FOCAD: variants seen among roughly 807,000 people sequenced by gnomAD.
FOCAD encodes focadhesin, also known as KIAA1797.
FOCAD carries 198 observed loss-of-function variants against 225.6 expected under a neutral mutation model. The ratio of observed to expected loss-of-function variants is 0.88; its 90% confidence interval spans 0.78 to 0.99. The LOEUF (loss-of-function observed/expected upper bound fraction) is 0.99, where lower values mean the gene tolerates loss of function less well. FOCAD is among the 50% of genes least tolerant of loss of function. The pLI is 0.00. For missense variants in FOCAD, 2,713 were observed against 2,123.6 expected, an observed-to-expected ratio of 1.28 and a Z score of -5.46; for synonymous variants, 897 against 755.0, an observed-to-expected ratio of 1.19 and a Z score of -3.08.
At chr9:20,981,260 G>A (rs1040490652) in intron 37 of FOCAD, among the ~76,000 whole-genome samples, 166 bp from the exon 38 acceptor site, 2 of 152,090 alleles carry the variant, frequency 1.3e-5, no homozygotes, top group African/African-American at 4.8e-5. Context: ...TACATGCATT[G>A]GTGGCCCATT....
intron 4 of FOCAD, among the ~76,000 whole-genome samples, chr9:20,728,666 T>C (rs1414597866): frequency 2.0e-5 from 3 of 152,190 alleles, no homozygotes; most frequent in African/African-American, 7.2e-5. Context: ...TTGCTCTCTT[T>C]AAGGGTTCTT....
chr9:20,926,088 A>G (rs554628631), intron 25 of FOCAD, among the ~76,000 whole-genome samples: 1 of 152,248 alleles, frequency 6.6e-6, no homozygotes, highest in East Asian at 1.9e-4. Context: ...CATAAAAGAT[A>G]CATCTTATTT....
chr9:20,714,551 T>C (rs1274137047), intron 1 of FOCAD, among the ~76,000 whole-genome samples: 4 of 151,932 alleles, frequency 2.6e-5, no homozygotes, highest in Admixed American at 2.6e-4. Flanking sequence ...GAAATCCTCT[T>C]ATTAGTTCCA....
chr9:20,980,653 T>G (rs1297118053), intron 37 of FOCAD, among the ~76,000 whole-genome samples: 1 of 152,218 alleles, frequency 6.6e-6, no homozygotes, highest in Non-Finnish European at 1.5e-5. Context: ...CCCCTATTTT[T>G]GTGTGCTATC....
intron 40 of FOCAD, 80 bp downstream of exon 40, chr9:20,986,545 A>T (rs1446861774): frequency 7.6e-7 from 1 of 1,314,422 alleles, no homozygotes; most frequent in Non-Finnish European, 1.0e-6. Flanking sequence ...TGAGTTCTCA[A>T]CTTAAAAATT....
chr9:20,782,934 G>A (rs747437631), intron 10 of FOCAD, among the ~76,000 whole-genome samples: 51 of 152,190 alleles, frequency 3.4e-4, no homozygotes, highest in Non-Finnish European at 6.0e-4. Context: ...TTTAAAACTT[G>A]AAACAGGTAA....
At chr9:20,969,034 C>T (rs199588236) in intron 35 of FOCAD, among the ~76,000 whole-genome samples, 1 of 152,032 alleles carries the variant, frequency 6.6e-6, no homozygotes, top group Non-Finnish European at 1.5e-5. Flanking sequence ...ATCCATTGGT[C>T]ATTTAAGAAT....
At chr9:20,948,222 T>A (rs760491905) in intron 30 of FOCAD, 49 bp from the exon 31 acceptor site, 1 of 1,529,682 alleles carries the variant, frequency 6.5e-7, no homozygotes, top group Non-Finnish European at 8.8e-7. Flanking sequence ...TCTAAATCTG[T>A]GTCTTTTTTT....
chr9:20,794,295 AAAG>A (rs1270145572), intron 11 of FOCAD, among the ~76,000 whole-genome samples: 1 of 152,192 alleles, frequency 6.6e-6, no homozygotes, highest in Non-Finnish European at 1.5e-5. Flanking sequence ...CTACCAAGAG[AAAG>A]AAGAAATTTG....
intron 5 of FOCAD, among the ~76,000 whole-genome samples, chr9:20,750,197 A>C (rs1828421055): frequency 6.6e-6 from 1 of 152,184 alleles, no homozygotes; most frequent in Non-Finnish European, 1.5e-5. Flanking sequence ...AACATGAATC[A>C]ACCAGTTTAA....
intron 2 of FOCAD, among the ~76,000 whole-genome samples, chr9:20,659,203 G>A (rs1458691127): frequency 1.3e-5 from 2 of 151,976 alleles, no homozygotes; most frequent in Non-Finnish European, 2.9e-5. Flanking sequence ...CTAGGGAACA[G>A]AGTGAGACTC....
At position 20,977,321 on chromosome 9, in the gene FOCAD, G is replaced by A. The variant is rs546538150; in HGVS notation, c.4261+773G>A. On this transcript the variant is annotated intron_variant, in intron 36 of 43. Coordinates refer to ENST00000338382, the MANE Select transcript of FOCAD (RefSeq NM_001375567.1). ...CTGCAAAGCTTCTTTGTCATATAAG[G>A]TAGTGTATTCACAGGTTGCAGGGAT... 7.9e-5 allele frequency among the ~76,000 whole-genome samples: 12 copies of A among 152,310 alleles called. No homozygotes were observed. In the South Asian group the frequency reaches 2.5e-3, roughly 32 times the overall value.
chr9:20,749,838 A>T (rs1335922901), intron 5 of FOCAD, among the ~76,000 whole-genome samples: 1 of 152,120 alleles, frequency 6.6e-6, no homozygotes, highest in Non-Finnish European at 1.5e-5. Flanking sequence ...TGATTTGCCT[A>T]TCACAGACTA....
At chr9:20,923,831 G>T in intron 25 of FOCAD, 63 bp downstream of exon 25, 5 of 1,269,396 alleles carry the variant, frequency 3.9e-6, no homozygotes, top group Non-Finnish European at 5.7e-6. Context: ...GCTTTAGGTA[G>T]CCTGGCCCTG....
intron 24 of FOCAD, among the ~76,000 whole-genome samples, chr9:20,922,791 G>A (rs1834569915): frequency 6.6e-6 from 1 of 152,222 alleles, no homozygotes; most frequent in South Asian, 2.1e-4. Context: ...GGGTGCTCTT[G>A]TTGCTGGAGT....
At chr9:20,709,166 T>G (rs1412662281) in intron 1 of FOCAD, among the ~76,000 whole-genome samples, 1 of 152,204 alleles carries the variant, frequency 6.6e-6, no homozygotes, top group Admixed American at 6.5e-5. Context: ...CTGAACTACC[T>G]TGGCAGATAA....
At chr9:20,926,008 C>T (rs746205988) in intron 25 of FOCAD, among the ~76,000 whole-genome samples, 18 of 152,248 alleles carry the variant, frequency 1.2e-4, no homozygotes, top group Middle Eastern at 3.4e-3. Flanking sequence ...ATTCATTCAA[C>T]GCAGGAGAGC....
At chr9:20,695,194 AAT>A (rs986885716) in intron 1 of FOCAD, among the ~76,000 whole-genome samples, 31 of 151,994 alleles carry the variant, frequency 2.0e-4, no homozygotes, top group African/African-American at 6.8e-4. Flanking sequence ...ATTAGTGGCA[AAT>A]TTTTTTTTAG....
In FOCAD at chr9:20,663,508, T is replaced by C. The variant is rs200367673; in HGVS notation, c.-78+4682T>C. On this transcript the variant is annotated intron_variant, in intron 2 of 45. Coordinates refer to the FOCAD transcript ENST00000380249. The stretch of plus-strand genomic sequence containing the variant: ...ACACACACACACACACACACACACA[T>C]ACACACAGTTTATGACTATGTTTGC... 5.5e-3 allele frequency among the ~76,000 whole-genome samples: 559 copies of C among 101,808 alleles called. 1 individual carries two copies. The highest frequency in any genetic ancestry group is 6.7e-3 in the Non-Finnish European group (318 of 47,460). The allele number at this position is 101,808 out of a possible 152,430, so 66.8% of individuals were successfully genotyped here. A position where few individuals can be genotyped will look rare whatever the true frequency, so the allele number is the denominator to read the frequency against.
Sources: allele counts gnomAD v4.1 joint callset (sites outside exome capture counted in the v4.1 genomes callset), GRCh38; gene constraint gnomAD v4.1.1; transcripts MANE v1.5; gene names NCBI Gene and HGNC (gene_info 2026-07-23, HGNC 2026-07-21).